Variants in NPAS3 observed in about 807,000 individuals in gnomAD.
The protein encoded by NPAS3 is neuronal PAS domain-containing protein 3.
Under a neutral mutation model 73.1 loss-of-function variants are expected in NPAS3, and 14 were observed. The ratio of observed to expected loss-of-function variants is 0.19; its 90% CI spans 0.13 to 0.30. NPAS3 has a LOEUF of 0.30. NPAS3 is among the 10% of genes least tolerant of loss of function. The pLI is 1.00. For missense variants in NPAS3, 1,096 were observed against 1,250.0 expected, an observed-to-expected ratio of 0.88 and a Z score of 1.86; for synonymous variants, 620 against 541.5, an observed-to-expected ratio of 1.14 and a Z score of -2.01.
At chr14:33,401,142 C>G (rs1555388055) in intron 4 of NPAS3, among the ~76,000 whole-genome samples, 4 of 152,042 alleles carry the variant, frequency 2.6e-5, no homozygotes, top group Non-Finnish European at 5.9e-5. Flanking sequence ...CAGAGCCTTA[C>G]AAAAAACAGG....
intron 5 of NPAS3, among the ~76,000 whole-genome samples, chr14:33,661,668 C>T (rs2183276): frequency 0.58 from 88,582 of 152,128 alleles, 25,965 homozygotes; most frequent in African/African-American, 0.65. Context: ...CAAATAGTCA[C>T]CTACTCTGTT....
chr14:33,666,951 GTTCAACAGAAACACAT>G (rs1290706153), intron 5 of NPAS3, among the ~76,000 whole-genome samples: 1 of 152,012 alleles, frequency 6.6e-6, no homozygotes. Flanking sequence ...GAGCATCACT[GTTCAACAGAAACACAT>G]TGCAAACCCA....
At chr14:33,503,087 A>G (rs1256487265) in intron 4 of NPAS3, among the ~76,000 whole-genome samples, 2 of 151,982 alleles carry the variant, frequency 1.3e-5, no homozygotes, top group Non-Finnish European at 2.9e-5. Context: ...TCTTTGTTAA[A>G]TTTCTACAGT....
At chr14:33,058,367 A>G (rs370553286) in intron 2 of NPAS3, among the ~76,000 whole-genome samples, 1 of 152,238 alleles carries the variant, frequency 6.6e-6, no homozygotes, top group Non-Finnish European at 1.5e-5. Context: ...GTGTCAAACC[A>G]TAAATTTCCT....
intron 4 of NPAS3, among the ~76,000 whole-genome samples, chr14:33,440,911 G>T (rs1457112782): frequency 6.6e-6 from 1 of 151,624 alleles, no homozygotes; most frequent in South Asian, 2.1e-4. Context: ...AAAAAAGACT[G>T]TATGAAGAGC....
intron 3 of NPAS3, among the ~76,000 whole-genome samples, chr14:33,233,776 C>G (rs1482766549): frequency 6.6e-6 from 1 of 152,050 alleles, no homozygotes; most frequent in African/African-American, 2.4e-5. Context: ...AGTATTCGTA[C>G]TTGAGGAGTT....
rs183604364 is a variant in NPAS3, at chr14:33,391,284, C to T, written c.468+24016C>T. Among the ~76,000 whole-genome samples, 623 of 149,022 alleles carry T rather than the reference C, an allele frequency of 4.2e-3. 25 individuals carry two copies. The highest frequency in any genetic ancestry group is 0.039 in the Admixed American group (578 of 14,860). The stretch of plus-strand genomic sequence containing the variant: ...TCTCGGCTTACCACAACCTCTGCCT[C>T]GCAGGTTTAAGCAATTCTCCTGCCT... On this transcript the variant is annotated intron_variant, in intron 4 of 11. Transcript: ENST00000356141.
intron 6 of NPAS3, among the ~76,000 whole-genome samples, chr14:33,725,755 G>A (rs1248077636): frequency 1.3e-5 from 2 of 152,042 alleles, no homozygotes; most frequent in Non-Finnish European, 2.9e-5. Flanking sequence ...TTTAAGCCAG[G>A]CAACTTCTAG....
chr14:33,681,407 G>A (rs1021000099), intron 6 of NPAS3, among the ~76,000 whole-genome samples: 1 of 152,176 alleles, frequency 6.6e-6, no homozygotes, highest in African/African-American at 2.4e-5. Context: ...CAGACAATGT[G>A]ACTGTATCTA....
chr14:33,789,583 C>CTTTTTTTTTTTTTTTTTTTTTTTTTTTTT (rs10567527), intron 9 of NPAS3, among the ~76,000 whole-genome samples: 3 of 92,414 alleles, frequency 3.2e-5, no homozygotes, highest in Admixed American at 1.3e-4. Context: ...TAGAGTACAA[C>CTTTTTTTTTTTTTTTTTTTTTTTTTTTTT]TTTTTTTTTT....
chr14:33,526,116 C>A (rs561199805), intron 4 of NPAS3, among the ~76,000 whole-genome samples: 85 of 152,168 alleles, frequency 5.6e-4, no homozygotes, highest in African/African-American at 2.0e-3. Flanking sequence ...GTTTTCCTAC[C>A]GGTATTCCAG....
intron 5 of NPAS3, among the ~76,000 whole-genome samples, chr14:33,631,932 C>T (rs115921017): frequency 6.6e-6 from 1 of 152,278 alleles, no homozygotes; most frequent in African/African-American, 2.4e-5. Flanking sequence ...GCATGTGTTG[C>T]ATGAAAAAGG....
chr14:33,327,395 T>G (rs777194962), intron 3 of NPAS3, among the ~76,000 whole-genome samples: 1 of 152,224 alleles, frequency 6.6e-6, no homozygotes, highest in Non-Finnish European at 1.5e-5. Context: ...GAGCTTGTAT[T>G]ACTTAAATAC....
chr14:33,250,747 A>C (rs1406103258), intron 3 of NPAS3, among the ~76,000 whole-genome samples: 1 of 151,946 alleles, frequency 6.6e-6, no homozygotes, highest in Admixed American at 6.6e-5. Context: ...CTCATTTTTC[A>C]GCCTTTGGTG....
chr14:33,202,099 T>C (rs1162382987), intron 2 of NPAS3, among the ~76,000 whole-genome samples: 1 of 152,172 alleles, frequency 6.6e-6, no homozygotes, highest in African/African-American at 2.4e-5. Context: ...AACATTTGTT[T>C]TCTATATAGA....
At chr14:33,713,846 A>T (rs778620656) in intron 6 of NPAS3, among the ~76,000 whole-genome samples, 2 of 152,132 alleles carry the variant, frequency 1.3e-5, no homozygotes, top group Non-Finnish European at 2.9e-5. Flanking sequence ...ACATCTCAGC[A>T]TCTCTCTGCT....
intron 5 of NPAS3, among the ~76,000 whole-genome samples, chr14:33,638,079 G>C (rs2058574260): frequency 6.6e-6 from 1 of 152,182 alleles, no homozygotes; most frequent in Non-Finnish European, 1.5e-5. Context: ...ATTTTTGATA[G>C]CTGATTCTAT....
intron 1 of NPAS3, among the ~76,000 whole-genome samples, chr14:32,989,105 G>T (rs1259772859): frequency 4.0e-5 from 6 of 151,472 alleles, no homozygotes; most frequent in East Asian, 1.9e-4. Flanking sequence ...GGTAGGTAGA[G>T]GATATTCTGG....
At chr14:33,347,570 G>T (rs908624445) in intron 3 of NPAS3, among the ~76,000 whole-genome samples, 4 of 152,226 alleles carry the variant, frequency 2.6e-5, no homozygotes, top group African/African-American at 9.6e-5. Flanking sequence ...TATAAAATGA[G>T]TTGAGGGTGA....
Sources: gnomAD v4.1 joint callset for allele counts (sites outside exome capture counted in the v4.1 genomes callset) on GRCh38, gnomAD v4.1.1 for gene constraint, MANE v1.5 for transcripts, NCBI Gene and HGNC (gene_info 2026-07-23, HGNC 2026-07-21) for gene names.